The following RXRA variants were observed in gnomAD, a reference collection of about 807,000 sequenced individuals.
RXRA encodes the protein retinoic acid receptor RXR-alpha.
RXRA carries 5 observed loss-of-function variants against 44.5 expected under a neutral mutation model. The ratio of observed to expected loss-of-function variants is 0.11; its 90% CI spans 0.06 to 0.24. The LOEUF (loss-of-function observed/expected upper bound fraction) is 0.24. Among genes scored for constraint, RXRA ranks in the 10% least tolerant of loss-of-function variants. The probability of loss-of-function intolerance (pLI) is 1.00; values close to 1 mark genes in which losing one functional copy is unlikely to be tolerated. For synonymous variants in RXRA, 291 were observed against 271.4 expected, an observed-to-expected ratio of 1.07 and a Z score of -0.71; for missense variants, 412 against 646.5, an observed-to-expected ratio of 0.64 and a Z score of 3.93.
At chr9:134,432,684 G>A (rs1831551425) in intron 8 of RXRA, among the ~76,000 whole-genome samples, 1 of 152,272 alleles carries the variant, frequency 6.6e-6, no homozygotes, top group South Asian at 2.1e-4. Context: ...CCTGCCTAGA[G>A]CTTGGGGTTT....
chr9:134,337,872 A>C (rs926799470), intron 1 of RXRA, among the ~76,000 whole-genome samples: 1 of 152,024 alleles, frequency 6.6e-6, no homozygotes, highest in Admixed American at 6.5e-5. Context: ...GAACCTCTCC[A>C]AAAAGAAACG....
At chr9:134,333,822 C>T (rs1404784186) in intron 1 of RXRA, among the ~76,000 whole-genome samples, 9 of 152,256 alleles carry the variant, frequency 5.9e-5, no homozygotes, top group Middle Eastern at 6.8e-3. Flanking sequence ...CTGCTGTGTC[C>T]GAGCCCCTCT....
chr9:134,348,959 G>A (rs1214618865), intron 1 of RXRA, among the ~76,000 whole-genome samples: 2 of 152,240 alleles, frequency 1.3e-5, no homozygotes, highest in African/African-American at 2.4e-5. Context: ...GCCAACCGTG[G>A]CGTTGCGCCA....
Position 134,342,717 on chromosome 9 carries a change from C to T in RXRA, c.28+16058C>T, listed in dbSNP as rs1324679966. On this transcript the variant is annotated intron_variant, in intron 1 of 9. Transcript: ENST00000481739. This position sits in a 1 kb window ranked among gnomAD's most constrained non-coding sequence, Gnocchi z 4.4. ...GGCTGAGATGGCTGGTGTGGGCCGC[C>T]CTGACCTGGTGGGTTTGGGGGAACC... Among the ~76,000 whole-genome samples the T allele has an allele frequency of 6.6e-6, 1 of 152,106 alleles. No individual in the cohort carries two copies. The highest frequency in any genetic ancestry group is 1.5e-5 in the Non-Finnish European group (1 of 67,998).
chr9:134,348,834 G>C (rs1223005166), intron 1 of RXRA, among the ~76,000 whole-genome samples: 5 of 152,208 alleles, frequency 3.3e-5, no homozygotes, highest in Admixed American at 3.3e-4. Flanking sequence ...AACCGGGCCT[G>C]GGGTTGCAGT....
At chr9:134,335,461 A>G (rs1829985353) in intron 1 of RXRA, among the ~76,000 whole-genome samples, 1 of 152,148 alleles carries the variant, frequency 6.6e-6, no homozygotes. Context: ...AGCCAAGGGT[A>G]TGGGGAAGGG....
intron 1 of RXRA, among the ~76,000 whole-genome samples, chr9:134,340,762 TC>T (rs1376609022): frequency 1.3e-5 from 2 of 152,170 alleles, no homozygotes; most frequent in East Asian, 3.9e-4. Flanking sequence ...TCCCTGGCCC[TC>T]TAGCTGGGGT....
chr9:134,327,019 G>T (rs1834925685), intron 1 of RXRA, among the ~76,000 whole-genome samples: 1 of 151,910 alleles, frequency 6.6e-6, no homozygotes, highest in South Asian at 2.1e-4. Context: ...CAACTTCTGC[G>T]CTCCGCGGCT....
chr9:134,419,650 T>C (rs1831296030), intron 5 of RXRA, among the ~76,000 whole-genome samples: 1 of 152,328 alleles, frequency 6.6e-6, no homozygotes, highest in Middle Eastern at 3.4e-3. Context: ...TGGACACTTC[T>C]AGGCAGGAGT....
chr9:134,421,236 C>T (rs1422689661), intron 5 of RXRA, among the ~76,000 whole-genome samples: 1 of 152,254 alleles, frequency 6.6e-6, no homozygotes, highest in Non-Finnish European at 1.5e-5. Context: ...ATCAAGGTGC[C>T]TGCCGGCTGG....
chr9:134,425,635 A>G (rs1298495456), intron 6 of RXRA: 1 of 983,608 alleles, frequency 1.0e-6, no homozygotes, highest in African/African-American at 1.8e-5. Flanking sequence ...GGCCAGGCTT[A>G]GGTAGCAGGC....
intron 7 of RXRA, among the ~76,000 whole-genome samples, chr9:134,431,461 G>A (rs1347292537): frequency 1.3e-5 from 2 of 152,216 alleles, no homozygotes; most frequent in Non-Finnish European, 1.5e-5. Context: ...TGAAGGGAGC[G>A]GCTGGGGCTG....
At chr9:134,425,326 G>C in intron 6 of RXRA, 1 of 985,302 alleles carries the variant, frequency 1.0e-6, no homozygotes, top group Non-Finnish European at 1.2e-6. Flanking sequence ...GTTTTGGCTT[G>C]TTCCATGGAA....
At position 134,365,091 on chromosome 9, in the gene RXRA, G is replaced by C. The variant is rs944976199; in HGVS notation, c.29-36541G>C. The stretch of plus-strand genomic sequence containing the variant: ...GAGAGCGTTTCCCAAGGTGGGGTCT[G>C]GTGCTGGCAGGAGGGGGCGGGGTGA... On this transcript the variant is annotated intron_variant, in intron 1 of 9. Coordinates refer to ENST00000481739, the MANE Select transcript of RXRA (RefSeq NM_002957.6). The surrounding 1 kb of genome is among the most constrained non-coding windows in gnomAD (Gnocchi z 4.0). Among the ~76,000 whole-genome samples, 1 of 152,336 alleles carries C rather than the reference G, an allele frequency of 6.6e-6. No homozygotes were observed. Among genetic ancestry groups the C allele is most frequent in the African/African-American group, 2.4e-5 (1 of 41,570 alleles).
At chr9:134,327,302 G>C (rs1834932145) in intron 1 of RXRA, among the ~76,000 whole-genome samples, 1 of 152,174 alleles carries the variant, frequency 6.6e-6, no homozygotes, top group Non-Finnish European at 1.5e-5. Flanking sequence ...CTCCCAGGCT[G>C]GCTCTCCATT....
intron 4 of RXRA, among the ~76,000 whole-genome samples, chr9:134,414,031 G>C (rs1392014923): frequency 6.6e-6 from 1 of 152,198 alleles, no homozygotes; most frequent in African/African-American, 2.4e-5. Flanking sequence ...CGGCGCCAGC[G>C]GAACATGAGT....
chr9:134,336,492 TAGAA>T (rs1285764641), intron 1 of RXRA, among the ~76,000 whole-genome samples: 2 of 152,044 alleles, frequency 1.3e-5, no homozygotes, highest in African/African-American at 2.4e-5. Context: ...ATTTGGAAAA[TAGAA>T]GGAAGGATGC....
At chr9:134,399,402 T>C (rs918570247) in intron 1 of RXRA, among the ~76,000 whole-genome samples, 6 of 152,236 alleles carry the variant, frequency 3.9e-5, no homozygotes, top group Non-Finnish European at 8.8e-5. Context: ...AACATCAGGT[T>C]ATGCAGGTAT....
intron 5 of RXRA, among the ~76,000 whole-genome samples, chr9:134,420,333 G>C (rs1700718372): frequency 6.6e-6 from 1 of 152,222 alleles, no homozygotes; most frequent in South Asian, 2.1e-4. Context: ...GCTGTGCACA[G>C]ATCCGGGAGC....
Sources: allele counts gnomAD v4.1 joint callset (sites outside exome capture counted in the v4.1 genomes callset), GRCh38; gene constraint gnomAD v4.1.1; non-coding constraint Gnocchi (gnomAD v3.1); transcripts MANE v1.5; gene names NCBI Gene and HGNC (gene_info 2026-07-23, HGNC 2026-07-21).